Variants in JPH1 observed in about 807,000 individuals in gnomAD.
JPH1 encodes the protein junctophilin-1.
JPH1 carries 12 observed loss-of-function variants against 53.6 expected under a neutral mutation model. That is an observed-to-expected ratio of 0.22 (90% CI 0.14 to 0.36). JPH1 has a LOEUF of 0.36. JPH1 is among the 10% of genes least tolerant of loss of function. The pLI is 1.00. For synonymous variants in JPH1, 375 were observed against 363.8 expected, an observed-to-expected ratio of 1.03 and a Z score of -0.35; for missense variants, 808 against 905.5, an observed-to-expected ratio of 0.89 and a Z score of 1.38.
At chr8:74,292,468 CTG>C (rs1259723073) in intron 2 of JPH1, among the ~76,000 whole-genome samples, 1 of 152,182 alleles carries the variant, frequency 6.6e-6, no homozygotes, top group African/African-American at 2.4e-5. Context: ...TTCTAGCTCC[CTG>C]TGTTTCCTGT....
chr8:74,292,647 G>T (rs1169536799), intron 2 of JPH1, among the ~76,000 whole-genome samples: 2 of 116,570 alleles, frequency 1.7e-5, no homozygotes, highest in African/African-American at 8.7e-5. Flanking sequence ...TCACACTGCT[G>T]TTAAAAAACA....
At chr8:74,240,632 AT>A (rs751326739) in intron 4 of JPH1, among the ~76,000 whole-genome samples, 2 of 152,186 alleles carry the variant, frequency 1.3e-5, no homozygotes, top group Non-Finnish European at 2.9e-5. Flanking sequence ...TGTTTTAAGA[AT>A]TTTGGATCAT....
chr8:74,246,334 C>T (rs779630702), intron 3 of JPH1, among the ~76,000 whole-genome samples: 4 of 151,936 alleles, frequency 2.6e-5, no homozygotes, highest in Non-Finnish European at 5.9e-5. Flanking sequence ...TGCCTTCTAC[C>T]CCCAACCCTT....
At position 74,244,730 on chromosome 8, in the gene JPH1, C is replaced by T. The variant is rs1346547073; in HGVS notation, c.1704G>A (p.Glu568=). The change falls in exon 4 of 6, where the codon GAG becomes GAA. Residue 568 remains glutamate, a synonymous_variant. Transcript: ENST00000342232. The part of the protein sequence containing the change: ...NAPQHPPVDV[E]DGDGSSQSSS... ...AAGACTGGCTGGATCCATCGCCGTCCTCCACGTCTACTGGAGGGTGCTGGG... is the reference window on the plus strand; with the variant it reads ...AAGACTGGCTGGATCCATCGCCGTCTTCCACGTCTACTGGAGGGTGCTGGG... 3 of 1,614,150 alleles carry T rather than the reference C, an allele frequency of 1.9e-6. No homozygotes were observed. Among genetic ancestry groups the T allele is most frequent in the East Asian group, 2.2e-5 (1 of 44,866 alleles).
intron 2 of JPH1, among the ~76,000 whole-genome samples, chr8:74,291,538 A>G (rs1807325746): frequency 6.6e-6 from 1 of 152,222 alleles, no homozygotes; most frequent in South Asian, 2.1e-4. Context: ...GGGACTGTAA[A>G]CTAGTTCAAC....
chr8:74,259,481 C>T lies in JPH1; in HGVS notation c.1162G>A (p.Ala388Thr), dbSNP rs1806330786. 6.2e-7 allele frequency: 1 copy of T among 1,610,868 alleles called. No individual in the cohort carries two copies. The highest frequency in any genetic ancestry group is 8.5e-7 in the Non-Finnish European group (1 of 1,178,044). ...AGCGCGGCCTGGTCGGCGGCATCGG[C>T]CTTCGCTCTGGCATGTGCAGTCCTA... Reference protein sequence around the residue: ...NSRTAHARAKADAADQAALAA... With the variant: ...NSRTAHARAKTDAADQAALAA... The change falls in exon 3 of 6, where the codon GCC becomes ACC. Residue 388 changes from alanine to threonine, a missense_variant. Ala to Thr is a moderately conservative substitution (Grantham distance 58, BLOSUM62 0). Transcript: ENST00000342232.
chr8:74,258,334 T>C lies in JPH1; in HGVS notation c.1258+1051A>G, dbSNP rs973430582. Among the ~76,000 whole-genome samples the C allele has an allele frequency of 2.6e-5, 4 of 152,326 alleles. No individual in the cohort carries two copies. In the East Asian group the frequency reaches 5.8e-4, roughly 22 times the overall value. ...CTCAAACAATCACGGAGAATATATA[T>C]AAATAGGTGAATATTGCCTTTTTGA... On this transcript the variant is annotated intron_variant, in intron 3 of 5. Coordinates refer to ENST00000342232, the MANE Select transcript of JPH1 (RefSeq NM_020647.4).
intron 1 of JPH1, among the ~76,000 whole-genome samples, chr8:74,317,433 A>C (rs954977594): frequency 1.3e-5 from 2 of 152,176 alleles, no homozygotes; most frequent in Non-Finnish European, 2.9e-5. Flanking sequence ...GTCATGTAAA[A>C]CATTTCAGGC....
intron 1 of JPH1, among the ~76,000 whole-genome samples, chr8:74,318,809 C>A (rs1226379034): frequency 6.6e-6 from 1 of 152,096 alleles, no homozygotes; most frequent in Non-Finnish European, 1.5e-5. Flanking sequence ...TAGTGATATT[C>A]CTATTTTGGC....
chr8:74,287,915 T>C (rs1055592744), intron 2 of JPH1, among the ~76,000 whole-genome samples: 11 of 152,182 alleles, frequency 7.2e-5, no homozygotes, highest in Admixed American at 3.3e-4. Context: ...AGAAAACATC[T>C]ATGTCGTTTT....
chr8:74,293,050 G>A, intron 2 of JPH1, among the ~76,000 whole-genome samples: 1 of 152,188 alleles, frequency 6.6e-6, no homozygotes, highest in East Asian at 1.9e-4. Flanking sequence ...ACAAACCACA[G>A]GCTGGGATTC....
intron 2 of JPH1, among the ~76,000 whole-genome samples, chr8:74,264,113 C>T (rs981165553): frequency 6.6e-6 from 1 of 152,174 alleles, no homozygotes; most frequent in African/African-American, 2.4e-5. Context: ...ACATAGGGCC[C>T]TGAGATGTCT....
chr8:74,262,233 A>G (rs1044397077), intron 2 of JPH1, among the ~76,000 whole-genome samples: 2 of 152,206 alleles, frequency 1.3e-5, no homozygotes, highest in African/African-American at 4.8e-5. Flanking sequence ...GTTTGCTGTT[A>G]ACACCAGCCT....
chr8:74,281,801 C>G (rs1347535740), intron 2 of JPH1, among the ~76,000 whole-genome samples: 1 of 152,156 alleles, frequency 6.6e-6, no homozygotes, highest in Non-Finnish European at 1.5e-5. Flanking sequence ...TTCCCCCTCC[C>G]ACACCCTGCC....
chr8:74,296,272 G>A (rs779365713), intron 2 of JPH1, among the ~76,000 whole-genome samples: 2 of 152,084 alleles, frequency 1.3e-5, no homozygotes, highest in East Asian at 1.9e-4. Context: ...CATAAAGTAA[G>A]CCACTGACAT....
chr8:74,253,962 G>A (rs1487909535), intron 3 of JPH1, among the ~76,000 whole-genome samples: 1 of 152,048 alleles, frequency 6.6e-6, no homozygotes, highest in Non-Finnish European at 1.5e-5. Context: ...TCTACCAGAG[G>A]TACAAGGAGG....
intron 2 of JPH1, among the ~76,000 whole-genome samples, chr8:74,289,848 T>A (rs185706280): frequency 1.3e-5 from 2 of 152,348 alleles, no homozygotes; most frequent in Non-Finnish European, 2.9e-5. Flanking sequence ...TTGTCTTTGG[T>A]TCTGTTTATG....
intron 3 of JPH1, among the ~76,000 whole-genome samples, chr8:74,253,460 C>T (rs1272245841): frequency 2.0e-5 from 3 of 152,012 alleles, no homozygotes; most frequent in Non-Finnish European, 4.4e-5. Flanking sequence ...AAAATTGACA[C>T]CCTAACATCA....
chr8:74,236,779 GAAT>G lies in JPH1; in HGVS notation c.*269_*271del, dbSNP rs1333598015. 4 of 154,118 alleles carry G rather than the reference GAAT, an allele frequency of 2.6e-5. No homozygotes were observed. The Admixed American group carries it at 2.6e-4, about 10-fold the overall frequency. 9.5% of individuals were successfully genotyped at this position (154,118 alleles called of 1,614,324 possible). On this transcript the variant is annotated 3_prime_UTR_variant, in exon 6 of 6. Transcript: ENST00000342232. ...GGCTGCTTCAGCAGATTTTAAAAAA[GAAT>G]TATTATTAAGTTTTGCTCTCCAACA...
Sources: gnomAD v4.1 joint callset for allele counts (sites outside exome capture counted in the v4.1 genomes callset) on GRCh38, gnomAD v4.1.1 for gene constraint, MANE v1.5 for transcripts, NCBI Gene and HGNC (gene_info 2026-07-23, HGNC 2026-07-21) for gene names.